Variants in IFT46 observed in about 807,000 individuals in gnomAD.
IFT46 encodes intraflagellar transport 46.
IFT46 carries 19 observed loss-of-function variants against 39.6 expected under a neutral mutation model. The ratio of observed to expected loss-of-function variants is 0.48; its 90% CI spans 0.33 to 0.70. The LOEUF is 0.70. IFT46 is among the 30% of genes least tolerant of loss of function. The pLI is 0.01. For synonymous variants in IFT46, 117 were observed against 134.8 expected (o/e 0.87, Z 0.91); for missense variants, 334 against 364.8 (o/e 0.92, Z 0.69).
At chr11:118,563,759 A>G (rs1477687343) in intron 2 of IFT46, among the ~76,000 whole-genome samples, 1 of 152,006 alleles carries the variant, frequency 6.6e-6, no homozygotes, top group Non-Finnish European at 1.5e-5. Flanking sequence ...CAGGTCCTCA[A>G]ACTAAGCCAA....
chr11:118,547,490 C>T (rs898610493), intron 9 of IFT46, among the ~76,000 whole-genome samples: 2 of 152,162 alleles, frequency 1.3e-5, no homozygotes, highest in African/African-American at 4.8e-5. Context: ...ATGATCTTGG[C>T]TCTCTGCAAC....
chr11:118,546,141 C>T (rs564564627), intron 9 of IFT46: 15 of 718,424 alleles, frequency 2.1e-5, no homozygotes, highest in Middle Eastern at 2.3e-4. Context: ...AGGACAAAGA[C>T]GCATAACAGA....
At chr11:118,560,396 A>C (rs1022539539) in intron 2 of IFT46, 46 of 163,480 alleles carry the variant, frequency 2.8e-4, no homozygotes, top group Middle Eastern at 5.6e-3. Flanking sequence ...GCTGCACTCC[A>C]GCCCGGGCAA....
intron 3 of IFT46, chr11:118,557,473 G>A: frequency 4.2e-6 from 2 of 474,000 alleles, no homozygotes; most frequent in Non-Finnish European, 7.5e-6. Flanking sequence ...AGACCATAGA[G>A]AGGAAATCTA....
chr11:118,576,437 A>C (rs1325006139), upstream of IFT46, among the ~76,000 whole-genome samples: 2 of 146,628 alleles, frequency 1.4e-5, no homozygotes, highest in Non-Finnish European at 3.0e-5. Context: ...AAAAAAAAAA[A>C]AAAAAAAAAA....
At chr11:118,574,880 C>T (rs907905442), upstream of IFT46, among the ~76,000 whole-genome samples, 3 of 152,136 alleles carry the variant, frequency 2.0e-5, no homozygotes, top group Non-Finnish European at 4.4e-5. Context: ...AATCCTCCCG[C>T]CTCCATATCC....
At chr11:118,573,005 C>T (rs1430572789), upstream of IFT46, 1 of 176,908 alleles carries the variant, frequency 5.7e-6, no homozygotes, top group Non-Finnish European at 1.2e-5. Context: ...TTTGCTAGGC[C>T]GTTGATAACT....
chr11:118,557,196 G>GCC, intron 3 of IFT46, 151 bp from the exon 4 acceptor site: 1 of 580,638 alleles, frequency 1.7e-6, no homozygotes, highest in Non-Finnish European at 2.8e-6. Context: ...GGGCTTGAGA[G>GCC]CCTTCTTCTG....
At chr11:118,562,554 T>A (rs554881625) in intron 2 of IFT46, among the ~76,000 whole-genome samples, 3 of 152,340 alleles carry the variant, frequency 2.0e-5, no homozygotes, top group Non-Finnish European at 2.9e-5. Context: ...ACCCTTTTTT[T>A]ATTTACTAAA....
At chr11:118,555,366 C>G (rs554934951) in intron 4 of IFT46, 44 bp from the exon 5 acceptor site, 1 of 1,464,080 alleles carries the variant, frequency 6.8e-7, no homozygotes, top group Non-Finnish European at 9.6e-7. Flanking sequence ...CAGAGAAGAG[C>G]AGAGGTGGCA....
intron 5 of IFT46, 23 bp from the exon 6 acceptor site, chr11:118,555,106 G>A (rs1358998372): frequency 1.3e-6 from 2 of 1,583,132 alleles, no homozygotes; most frequent in African/African-American, 1.3e-5. Context: ...GCCAAGGGAA[G>A]GTGGAGACAG....
intron 2 of IFT46, 39 bp from the exon 3 acceptor site, chr11:118,559,903 T>C: frequency 8.4e-7 from 1 of 1,184,890 alleles, no homozygotes; most frequent in Non-Finnish European, 1.2e-6. Context: ...ATTGTTAAAA[T>C]GATTTTTAAA....
At chr11:118,546,787 T>C (rs1456806403) in intron 9 of IFT46, 1 of 152,462 alleles carries the variant, frequency 6.6e-6, no homozygotes, top group Non-Finnish European at 1.5e-5. Flanking sequence ...AACAGTTATA[T>C]ATGCATTACT....
At position 118,553,208 on chromosome 11, in the gene IFT46, G is replaced by A. The variant is rs192821268; in HGVS notation, c.484-873C>T. 4.3e-4 allele frequency among the ~76,000 whole-genome samples: 66 copies of A among 152,250 alleles called. No homozygotes were observed. The East Asian group carries it at 0.012, about 28-fold the overall frequency. ...TATAATCCCAGCACTTTGGGAGGCCGAGGTGGGTGGATCACCTGAGGTCAG... is the reference window on the plus strand; with the variant it reads ...TATAATCCCAGCACTTTGGGAGGCCAAGGTGGGTGGATCACCTGAGGTCAG... On this transcript the variant is annotated intron_variant, in intron 7 of 11. Transcript: ENST00000264021.
intron 2 of IFT46, chr11:118,560,516 A>G (rs1182144333): frequency 1.6e-5 from 3 of 190,074 alleles, no homozygotes; most frequent in African/African-American, 4.8e-5. Context: ...CTCTGCCCTT[A>G]GTTTACACAT....
At chr11:118,545,566 C>G in intron 10 of IFT46, 72 bp from the exon 11 acceptor site, 1 of 1,319,990 alleles carries the variant, frequency 7.6e-7, no homozygotes, top group Non-Finnish European at 1.1e-6. Flanking sequence ...CTGTCTAGCA[C>G]AGGCAAAGCC....
chr11:118,571,519 G>A (rs7110984), intron 1 of IFT46, among the ~76,000 whole-genome samples: 6,895 of 152,228 alleles, frequency 0.045, 264 homozygotes, highest in Admixed American at 0.13. Flanking sequence ...CTTTTCCAAC[G>A]TGGCTGCACT....
intron 9 of IFT46, among the ~76,000 whole-genome samples, chr11:118,547,743 T>A (rs1565344110): frequency 1.8e-5 from 2 of 112,382 alleles, no homozygotes; most frequent in Non-Finnish European, 3.8e-5. Context: ...TCTTTTCTTT[T>A]CTTTTTTTTT....
chr11:118,562,992 G>C (rs529948604), intron 2 of IFT46, among the ~76,000 whole-genome samples: 106 of 152,084 alleles, frequency 7.0e-4, no homozygotes, highest in African/African-American at 2.4e-3. Context: ...TTGAACCCGG[G>C]AGGCGTAGGT....
Sources: gnomAD v4.1 joint callset for allele counts (sites outside exome capture counted in the v4.1 genomes callset) on GRCh38, gnomAD v4.1.1 for gene constraint, MANE v1.5 for transcripts, NCBI Gene and HGNC (gene_info 2026-07-23, HGNC 2026-07-21) for gene names.